PCSK6: variants seen among roughly 807,000 people sequenced by gnomAD.
The protein encoded by PCSK6 is paired basic amino acid cleaving enzyme 4.
PCSK6 carries 85 observed loss-of-function variants against 123.3 expected under a neutral mutation model. The ratio of observed to expected loss-of-function variants is 0.69; its 90% CI spans 0.58 to 0.83. PCSK6 has a LOEUF of 0.83. PCSK6 is among the 40% of genes least tolerant of loss of function. PCSK6 has a pLI of 0.00. For synonymous variants in PCSK6, 508 were observed against 516.0 expected, an observed-to-expected ratio of 0.98 and a Z score of 0.21; for missense variants, 1,191 against 1,282.3, an observed-to-expected ratio of 0.93 and a Z score of 1.09.
intron 19 of PCSK6, among the ~76,000 whole-genome samples, chr15:101,315,548 G>T (rs2039970758): frequency 6.6e-6 from 1 of 152,242 alleles, no homozygotes. Context: ...TGTTCAGAAA[G>T]CTGGAAGAAT....
intron 19 of PCSK6, among the ~76,000 whole-genome samples, chr15:101,314,325 G>A (rs748829839): frequency 1.3e-5 from 2 of 152,194 alleles, no homozygotes; most frequent in Non-Finnish European, 2.9e-5. Context: ...CCTCCTCTGG[G>A]CCAGGTGTCT....
intron 11 of PCSK6, among the ~76,000 whole-genome samples, chr15:101,375,783 C>T (rs2041718931): frequency 6.6e-6 from 1 of 152,182 alleles, no homozygotes; most frequent in Non-Finnish European, 1.5e-5. Context: ...GGCTGCAATC[C>T]CAGCACTTTG....
At chr15:101,365,093 G>T (rs80324997) in intron 13 of PCSK6, 5 of 718,272 alleles carry the variant, frequency 7.0e-6, no homozygotes, top group Non-Finnish European at 1.3e-5. Flanking sequence ...GGAACAAATG[G>T]GTACAAAAGA....
At chr15:101,455,603 G>A (rs954271447) in intron 1 of PCSK6, among the ~76,000 whole-genome samples, 1 of 152,222 alleles carries the variant, frequency 6.6e-6, no homozygotes, top group African/African-American at 2.4e-5. Flanking sequence ...AAGCTCCTAT[G>A]CTGCTGGCCT....
At chr15:101,387,075 T>C (rs781542109) in intron 9 of PCSK6, among the ~76,000 whole-genome samples, 6 of 152,188 alleles carry the variant, frequency 3.9e-5, no homozygotes, top group Admixed American at 6.5e-5. Flanking sequence ...AATGTGTTCT[T>C]GCTGCTCCTG....
At chr15:101,330,555 G>T (rs1294193710) in intron 15 of PCSK6, among the ~76,000 whole-genome samples, 1 of 152,166 alleles carries the variant, frequency 6.6e-6, no homozygotes, top group Non-Finnish European at 1.5e-5. Flanking sequence ...AGGCTCTCCT[G>T]CTGTCTCTGG....
At chr15:101,324,157 C>T (rs985144932) in intron 17 of PCSK6, among the ~76,000 whole-genome samples, 1 of 152,172 alleles carries the variant, frequency 6.6e-6, no homozygotes, top group Non-Finnish European at 1.5e-5. Context: ...GCTTTGATTC[C>T]CCATCTGTAG....
intron 8 of PCSK6, among the ~76,000 whole-genome samples, chr15:101,392,933 C>T (rs1271501901): frequency 6.6e-6 from 1 of 152,166 alleles, no homozygotes; most frequent in Non-Finnish European, 1.5e-5. Context: ...TGAGAAGGAA[C>T]CTCGTTCTTA....
At chr15:101,474,811 G>A (rs988375227) in intron 1 of PCSK6, among the ~76,000 whole-genome samples, 2 of 152,150 alleles carry the variant, frequency 1.3e-5, no homozygotes, top group African/African-American at 4.8e-5. Flanking sequence ...CTCCATCCCT[G>A]CAGCAGCTCC....
intron 6 of PCSK6, among the ~76,000 whole-genome samples, chr15:101,420,797 C>T (rs1460779388): frequency 6.6e-6 from 1 of 152,208 alleles, no homozygotes; most frequent in Non-Finnish European, 1.5e-5. Flanking sequence ...CCAGTGACCG[C>T]ACAGGGGTAC....
intron 19 of PCSK6, among the ~76,000 whole-genome samples, chr15:101,317,159 G>A (rs370191182): frequency 2.5e-4 from 38 of 152,088 alleles, no homozygotes; most frequent in Non-Finnish European, 4.3e-4. Flanking sequence ...TGATCCACCC[G>A]CCTTGGCCTC....
intron 2 of PCSK6, among the ~76,000 whole-genome samples, chr15:101,434,090 T>C (rs1220761193): frequency 6.6e-6 from 1 of 152,244 alleles, no homozygotes; most frequent in Non-Finnish European, 1.5e-5. Flanking sequence ...ATTTTGTTCC[T>C]AACACCGGCT....
chr15:101,333,835 C>T (rs1051150874), intron 13 of PCSK6, among the ~76,000 whole-genome samples: 1 of 152,202 alleles, frequency 6.6e-6, no homozygotes, highest in Non-Finnish European at 1.5e-5. Context: ...ACTGGCCCCA[C>T]TGGTGCGATT....
chr15:101,313,334 C>G (rs1334372217), intron 20 of PCSK6, 42 bp downstream of exon 20: 2 of 1,612,346 alleles, frequency 1.2e-6, no homozygotes, highest in African/African-American at 2.7e-5. Flanking sequence ...CACTCCTTTG[C>G]TGGACACAGC....
intron 13 of PCSK6, among the ~76,000 whole-genome samples, chr15:101,364,607 G>A (rs1243875551): frequency 1.3e-5 from 2 of 152,264 alleles, no homozygotes; most frequent in Non-Finnish European, 2.9e-5. Flanking sequence ...CCAAGGAGGC[G>A]AAAGACTTAT....
At chr15:101,486,896 C>T (rs1181566174) in intron 1 of PCSK6, among the ~76,000 whole-genome samples, 2 of 152,170 alleles carry the variant, frequency 1.3e-5, no homozygotes, top group Non-Finnish European at 2.9e-5. Context: ...ACAGAGAATA[C>T]GGCAGAAGCA....
chr15:101,385,898 CCTT>C (rs1325301316), intron 9 of PCSK6, among the ~76,000 whole-genome samples: 1 of 152,198 alleles, frequency 6.6e-6, no homozygotes, highest in African/African-American at 2.4e-5. Context: ...ATCTTTTATT[CCTT>C]TTTTAGTCGG....
intron 1 of PCSK6, among the ~76,000 whole-genome samples, chr15:101,477,389 C>T (rs1475238231): frequency 6.6e-6 from 1 of 152,168 alleles, no homozygotes; most frequent in Admixed American, 6.5e-5. Context: ...GTTAGAGATG[C>T]TCAACAAGTG....
chr15:101,307,241 G>C lies in PCSK6; in HGVS notation c.2784C>G (p.Ser928=), dbSNP rs1213028762. The part of the protein sequence containing the change: ...CKTGFTQLGT[S]CITNHTCSNA... ...TGCTGCACGTGTGGTTGGTGATGCA[G>C]GAGGTCCCCAGCTGTGTGAAGCCCG... Residue 928 remains serine, a synonymous_variant, in exon 21 of 22, where the codon TCC becomes TCG. Coordinates refer to ENST00000611716, the MANE Select transcript of PCSK6 (RefSeq NM_002570.5). 1 of 1,613,616 alleles carries C rather than the reference G, an allele frequency of 6.2e-7. No individual in the cohort carries two copies. The highest frequency in any genetic ancestry group is 8.5e-7 in the Non-Finnish European group (1 of 1,179,750).
Sources: gnomAD v4.1 joint callset for allele counts (sites outside exome capture counted in the v4.1 genomes callset) on GRCh38, gnomAD v4.1.1 for gene constraint, MANE v1.5 for transcripts, NCBI Gene and HGNC (gene_info 2026-07-23, HGNC 2026-07-21) for gene names.